Variants in COX7A2L observed in about 807,000 individuals in gnomAD.
COX7A2L encodes the protein cytochrome c oxidase subunit 7A2 like, also known as cytochrome c oxidase subunit 7A2-like, mitochondrial.
In COX7A2L, 18 loss-of-function variants were observed where a neutral mutation model predicts 14.2. The observed-to-expected ratio is 1.27, with a 90% confidence interval of 0.88 to 1.88. The LOEUF (loss-of-function observed/expected upper bound fraction) is 1.88, where lower values mean the gene tolerates loss of function less well. Ranked by LOEUF, COX7A2L falls within the 40% of genes most tolerant of loss-of-function variation. The probability of loss-of-function intolerance (pLI) is 0.00; values close to 1 mark genes in which losing one functional copy is unlikely to be tolerated. For missense variants in COX7A2L, 179 were observed against 138.8 expected, an observed-to-expected ratio of 1.29 and a Z score of -1.46; for synonymous variants, 65 against 57.4, an observed-to-expected ratio of 1.13 and a Z score of -0.60.
chr2:42,363,625 A>G (rs1572804581), upstream of COX7A2L, among the ~76,000 whole-genome samples: 1 of 152,372 alleles, frequency 6.6e-6, no homozygotes, highest in East Asian at 1.9e-4. Flanking sequence ...TGTCACATGG[A>G]ATGGCTGATC....
downstream of COX7A2L, among the ~76,000 whole-genome samples, chr2:42,347,937 G>A (rs1017492127): frequency 2.6e-5 from 4 of 152,038 alleles, no homozygotes; most frequent in African/African-American, 7.2e-5. Context: ...AAAAGAAAAT[G>A]CATCTATATA....
Position 42,354,239 on chromosome 2 carries a change from C to A in COX7A2L, c.73-896G>T, listed in dbSNP as rs551940355. ...ACCCTTTAAATGGGCAACTTGTATG[C>A]TATGTAAATTATATCTCAATAAAGC... is the stretch of plus-strand genomic sequence containing the variant. On this transcript the variant is annotated intron_variant, in intron 1 of 2. Transcript: ENST00000234301. 1.7e-4 allele frequency among the ~76,000 whole-genome samples: 26 copies of A among 152,096 alleles called. 1 individual carries two copies. In the South Asian group the frequency reaches 5.2e-3, roughly 30 times the overall value.
intron 1 of COX7A2L, among the ~76,000 whole-genome samples, chr2:42,366,721 C>A (rs1381020737): frequency 2.0e-5 from 3 of 152,184 alleles, no homozygotes; most frequent in African/African-American, 7.2e-5. Flanking sequence ...TGATGTAAAG[C>A]ATTAGAGTTT....
chr2:42,359,561 T>C (rs1670949141), intron 1 of COX7A2L: 2 of 152,160 alleles, frequency 1.3e-5, no homozygotes. Context: ...TCCTTACAAG[T>C]CATTACCAAT....
chr2:42,361,100 T>C lies in COX7A2L; in HGVS notation c.62A>G (p.Tyr21Cys), dbSNP rs932070243. ...KLAGAWASEA[Y>C]SPQGLKPVVS... is the part of the protein sequence containing the mutation. ...AGGCGCCACTCGTACCTGCGGGCTA[T>C]AGGCCTCCGAAGCCCATGCTCCTGC... Residue 21 changes from tyrosine to cysteine, a missense_variant, in exon 1 of 3, where the codon TAT becomes TGT. Tyr to Cys is a radical substitution (Grantham distance 194). Transcript: ENST00000234301. 5 of 1,613,770 alleles carry C rather than the reference T, an allele frequency of 3.1e-6. No homozygotes were observed. The African/African-American group carries it at 4.0e-5, about 13-fold the overall frequency.
chr2:42,355,119 A>G (rs1025005038), intron 1 of COX7A2L, among the ~76,000 whole-genome samples: 9 of 152,220 alleles, frequency 5.9e-5, no homozygotes, highest in Non-Finnish European at 1.2e-4. Flanking sequence ...TTGCTTAAAA[A>G]CAACAGCCCA....
intron 2 of COX7A2L, among the ~76,000 whole-genome samples, chr2:42,340,721 G>A (rs1372690674): frequency 1.3e-5 from 2 of 152,090 alleles, no homozygotes; most frequent in Admixed American, 1.3e-4. Context: ...GCCCCAGTGG[G>A]AGCTTCCCTG....
intron 2 of COX7A2L, 174 bp downstream of exon 2, chr2:42,353,038 T>C (rs1670695908): frequency 5.4e-6 from 4 of 738,462 alleles, no homozygotes; most frequent in African/African-American, 1.8e-5. Flanking sequence ...CTTTTATCAG[T>C]ATCTACCTAT....
intron 2 of COX7A2L, among the ~76,000 whole-genome samples, chr2:42,343,505 G>A (rs185589039): frequency 9.2e-5 from 14 of 152,316 alleles, no homozygotes; most frequent in Middle Eastern, 3.4e-3. Context: ...CAATGATCCC[G>A]ACAAGAGGAG....
chr2:42,343,649 A>G (rs926146177), intron 2 of COX7A2L, among the ~76,000 whole-genome samples: 2 of 152,228 alleles, frequency 1.3e-5, no homozygotes, highest in African/African-American at 4.8e-5. Flanking sequence ...AGGCAGTATC[A>G]GAATTTCTCA....
At chr2:42,353,386 G>C (rs1177817488) in intron 1 of COX7A2L, 43 bp from the exon 2 acceptor site, 5 of 1,608,972 alleles carry the variant, frequency 3.1e-6, no homozygotes, top group East Asian at 2.2e-5. Flanking sequence ...AAGTATGTCT[G>C]AGGAGGCTGT....
downstream of COX7A2L, among the ~76,000 whole-genome samples, chr2:42,344,940 T>G (rs2103878689): frequency 6.6e-6 from 1 of 152,300 alleles, no homozygotes; most frequent in African/African-American, 2.4e-5. Context: ...TAAGGTAATT[T>G]CAGCATCAAT....
chr2:42,344,568 G>A (rs184147148), downstream of COX7A2L, among the ~76,000 whole-genome samples: 12 of 152,224 alleles, frequency 7.9e-5, no homozygotes, highest in East Asian at 2.1e-3. Flanking sequence ...AGAATGCGTC[G>A]CAGGCCCGGC....
At chr2:42,340,633 C>T (rs929120039) in intron 2 of COX7A2L, among the ~76,000 whole-genome samples, 1 of 152,112 alleles carries the variant, frequency 6.6e-6, no homozygotes, top group Non-Finnish European at 1.5e-5. Context: ...ACCCGAGATG[C>T]CCTCACACCT....
upstream of COX7A2L, chr2:42,365,873 C>A (rs1008704975): frequency 6.6e-6 from 1 of 152,088 alleles, no homozygotes; most frequent in Non-Finnish European, 1.5e-5. Flanking sequence ...TTCTTCCTAG[C>A]GCTGTTGGAG....
rs1436274929 is a variant in COX7A2L at position 42,339,680 on chromosome 2, GT to G, written c.193-5812del. ...ATAAAGTGCAGAATCTCAGCGCATT[GT>G]GCACACATATACACCCACACAGCCA... On this transcript the variant is annotated intron_variant, in intron 2 of 2. Coordinates refer to the COX7A2L transcript ENST00000468711. The surrounding 1 kb of genome is among the most constrained non-coding windows in gnomAD (Gnocchi z 5.4). Among the ~76,000 whole-genome samples the G allele has an allele frequency of 1.3e-5, 2 of 151,802 alleles. No individual in the cohort carries two copies. Among genetic ancestry groups the G allele is most frequent in the African/African-American group, 4.8e-5 (2 of 41,278 alleles).
intron 2 of COX7A2L, among the ~76,000 whole-genome samples, chr2:42,343,099 C>T (rs1670432427): frequency 6.6e-6 from 1 of 152,190 alleles, no homozygotes; most frequent in South Asian, 2.1e-4. Context: ...TGCTGCCGCC[C>T]TCCAGGCTAC....
chr2:42,364,635 A>T (rs1322954337), upstream of COX7A2L, among the ~76,000 whole-genome samples: 1 of 152,190 alleles, frequency 6.6e-6, no homozygotes, highest in African/African-American at 2.4e-5. Context: ...GTCATCTCTT[A>T]CTGTTTTTGT....
At chr2:42,363,876 G>C (rs763633978), upstream of COX7A2L, among the ~76,000 whole-genome samples, 1 of 152,192 alleles carries the variant, frequency 6.6e-6, no homozygotes, top group Non-Finnish European at 1.5e-5. Flanking sequence ...CCAGCTCCTG[G>C]TGAATCTGAA....
Sources: gnomAD v4.1 joint callset for allele counts (sites outside exome capture counted in the v4.1 genomes callset) on GRCh38, gnomAD v4.1.1 for gene constraint, Gnocchi (gnomAD v3.1) non-coding constraint, MANE v1.5 for transcripts, NCBI Gene and HGNC (gene_info 2026-07-23, HGNC 2026-07-21) for gene names.